AKT3: variants seen among roughly 807,000 people sequenced by gnomAD.
AKT3 encodes RAC-gamma serine/threonine-protein kinase.
In AKT3, 15 loss-of-function variants were observed where a neutral mutation model predicts 65.3. That is an observed-to-expected ratio of 0.23 (90% confidence interval 0.15 to 0.35). The LOEUF is 0.35. Ranked by LOEUF, AKT3 falls within the 10% of genes least tolerant of loss-of-function variation. The pLI is 1.00. For synonymous variants in AKT3, 206 were observed against 183.8 expected (o/e 1.12, Z -0.98); for missense variants, 243 against 576.5 (o/e 0.42, Z 5.92).
chr1:243,771,141 C>T (rs1464083620), intron 2 of AKT3, among the ~76,000 whole-genome samples: 1 of 152,120 alleles, frequency 6.6e-6, no homozygotes, highest in East Asian at 1.9e-4. Flanking sequence ...TTCTTGTAGT[C>T]AAAATATTTA....
intron 3 of AKT3, among the ~76,000 whole-genome samples, chr1:243,694,229 G>A (rs1329861051): frequency 2.0e-5 from 3 of 152,106 alleles, no homozygotes; most frequent in East Asian, 1.9e-4. Flanking sequence ...TTTAGGTAGG[G>A]CATTTAGATA....
At chr1:243,831,831 T>A (rs1694535176) in intron 2 of AKT3, among the ~76,000 whole-genome samples, 1 of 152,004 alleles carries the variant, frequency 6.6e-6, no homozygotes, top group Non-Finnish European at 1.5e-5. Flanking sequence ...ATACAAAATA[T>A]TTTTTGAAGA....
At chr1:243,579,421 C>T (rs1463752699) in intron 8 of AKT3, among the ~76,000 whole-genome samples, 1 of 151,856 alleles carries the variant, frequency 6.6e-6, no homozygotes, top group African/African-American at 2.4e-5. Flanking sequence ...AGATGGAATA[C>T]TAAGAGATAT....
rs137926167 is a variant in AKT3, at chr1:243,786,698, C to T, written c.46+56427G>A. Among the ~76,000 whole-genome samples, 869 of 152,018 alleles carry T rather than the reference C, an allele frequency of 5.7e-3. 3 individuals carry two copies. Among genetic ancestry groups the T allele is most frequent in the Non-Finnish European group, 9.7e-3 (657 of 67,996 alleles). On this transcript the variant is annotated intron_variant, in intron 2 of 13. Coordinates refer to ENST00000673466, the MANE Select transcript of AKT3 (RefSeq NM_005465.7). The stretch of plus-strand genomic sequence containing the variant: ...TAAAAGCACGGGGTGGGGGGGTGCG[C>T]GGTGGAGATGGTAAAAATGATTAGA...
At chr1:243,776,644 A>G (rs886815236) in intron 2 of AKT3, among the ~76,000 whole-genome samples, 57 of 152,232 alleles carry the variant, frequency 3.7e-4, no homozygotes, top group African/African-American at 1.3e-3. Flanking sequence ...ATTCAGATGG[A>G]AACTATTATT....
At chr1:243,632,869 C>CAACAG (rs1679708000) in intron 6 of AKT3, among the ~76,000 whole-genome samples, 2 of 152,188 alleles carry the variant, frequency 1.3e-5, no homozygotes, top group African/African-American at 2.4e-5. Flanking sequence ...CTGCAGCTTC[C>CAACAG]TTACTTCTCT....
In AKT3 at chr1:243,633,235, C is replaced by T. The variant is rs115041139; in HGVS notation, c.561+4376G>A. Among the ~76,000 whole-genome samples, 780 of 152,076 alleles carry T rather than the reference C, an allele frequency of 5.1e-3. 6 individuals are homozygous for T. The highest frequency in any genetic ancestry group is 0.017 in the African/African-American group (691 of 41,500). The stretch of plus-strand genomic sequence containing the variant: ...GTTCATTAGCACTGGACCTGTCATA[C>T]AAGAAAAGCTATAGTGAGTTATATT... On this transcript the variant is annotated intron_variant, in intron 6 of 13. Transcript: ENST00000673466.
intron 2 of AKT3, among the ~76,000 whole-genome samples, chr1:243,779,148 A>G (rs1220329718): frequency 6.6e-6 from 1 of 152,134 alleles, no homozygotes; most frequent in Non-Finnish European, 1.5e-5. Flanking sequence ...AACTTTTTGG[A>G]TTACTGTTGA....
chr1:243,587,087 T>C (rs1457732628), intron 8 of AKT3, among the ~76,000 whole-genome samples: 1 of 152,112 alleles, frequency 6.6e-6, no homozygotes, highest in East Asian at 1.9e-4. Flanking sequence ...TATTAATGTA[T>C]ATGAACATAG....
chr1:243,523,518 T>G (rs901380349), intron 12 of AKT3, among the ~76,000 whole-genome samples: 1 of 152,188 alleles, frequency 6.6e-6, no homozygotes, highest in Non-Finnish European at 1.5e-5. Context: ...AATGTGTCTT[T>G]AAACTGACAA....
At chr1:243,737,399 T>G (rs1687906032) in intron 2 of AKT3, among the ~76,000 whole-genome samples, 1 of 152,286 alleles carries the variant, frequency 6.6e-6, no homozygotes, top group African/African-American at 2.4e-5. Context: ...TAAATCCAGG[T>G]TAGGAGCCCC....
At chr1:243,678,756 CTT>C (rs1321182778) in intron 3 of AKT3, among the ~76,000 whole-genome samples, 1 of 152,136 alleles carries the variant, frequency 6.6e-6, no homozygotes, top group Non-Finnish European at 1.5e-5. Flanking sequence ...ATTCATGTCT[CTT>C]TTTGTATCAC....
intron 1 of AKT3, among the ~76,000 whole-genome samples, chr1:243,846,181 A>G (rs1695514051): frequency 6.6e-6 from 1 of 152,160 alleles, no homozygotes; most frequent in African/African-American, 2.4e-5. Flanking sequence ...AATTTGGGCT[A>G]AGCTCCATTA....
chr1:243,505,399 A>G (rs1339300499), intron 13 of AKT3, 65 bp from the exon 14 acceptor site: 2 of 1,408,224 alleles, frequency 1.4e-6, no homozygotes, highest in Non-Finnish European at 2.0e-6. Context: ...TCTCTAGTCT[A>G]TGTTTTTTAA....
At chr1:243,576,770 G>C (rs1473733309) in intron 8 of AKT3, among the ~76,000 whole-genome samples, 1 of 152,054 alleles carries the variant, frequency 6.6e-6, no homozygotes, top group Non-Finnish European at 1.5e-5. Flanking sequence ...TGAATATGAA[G>C]AATCAATATT....
intron 8 of AKT3, among the ~76,000 whole-genome samples, chr1:243,585,379 G>GAA (rs113327268): frequency 6.8e-6 from 1 of 146,052 alleles, no homozygotes; most frequent in East Asian, 2.0e-4. Context: ...CACAGAACTG[G>GAA]AAAAAAAAAA....
chr1:243,824,088 TC>T (rs1694016180), intron 2 of AKT3, among the ~76,000 whole-genome samples: 1 of 151,796 alleles, frequency 6.6e-6, no homozygotes, highest in South Asian at 2.1e-4. Flanking sequence ...AAAATAGAAA[TC>T]TCAGATATAA....
chr1:243,820,742 T>C (rs1300829590), intron 2 of AKT3, among the ~76,000 whole-genome samples: 1 of 151,768 alleles, frequency 6.6e-6, no homozygotes, highest in Non-Finnish European at 1.5e-5. Flanking sequence ...GAAAAAGGAA[T>C]GAAAAGGAAC....
intron 2 of AKT3, among the ~76,000 whole-genome samples, chr1:243,832,144 A>AAAAAAAAAAAAAAAAAAAAAAAAAAT (rs1694571393): frequency 7.4e-6 from 1 of 135,282 alleles, no homozygotes; most frequent in Non-Finnish European, 1.5e-5. Context: ...AAAAAAAAAA[A>AAAAAAAAAAAAAAAAAAAAAAAAAAT]AAAAAAAAAA....
Sources: gnomAD v4.1 joint callset for allele counts (sites outside exome capture counted in the v4.1 genomes callset) on GRCh38, gnomAD v4.1.1 for gene constraint, MANE v1.5 for transcripts, NCBI Gene and HGNC (gene_info 2026-07-23, HGNC 2026-07-21) for gene names.